SPATA22: variants seen among roughly 807,000 people sequenced by gnomAD.
SPATA22 encodes spermatogenesis-associated protein 22.
SPATA22 carries 29 observed loss-of-function variants against 47.8 expected under a neutral mutation model. That is an observed-to-expected ratio of 0.61 (90% confidence interval 0.45 to 0.83). The LOEUF is 0.83. SPATA22 is among the 40% of genes least tolerant of loss of function. SPATA22 has a pLI of 0.00. For synonymous variants in SPATA22, 133 were observed against 140.9 expected (o/e 0.94, Z 0.40); for missense variants, 410 against 421.7 (o/e 0.97, Z 0.24).
Position 3,467,517 on chromosome 17 carries a change from C to T in SPATA22, c.81G>A (p.Arg27=), listed in dbSNP as rs1306234822. Residue 27 remains arginine (R), a synonymous_variant, in exon 3 of 9, where the codon AGG becomes AGA. Coordinates refer to ENST00000572969, the MANE Select transcript of SPATA22 (RefSeq NM_001170698.2). ...LPVPLFNQKK[R]NRQPLTSNPL... is the part of the protein sequence containing the mutation. ...GATTAGAAGTTAATGGCTGTCTGTT[C>T]CTCTTTTTCTGATTGAACAACGGAA... 2 of 1,609,186 alleles carry T rather than the reference C, an allele frequency of 1.2e-6. No homozygotes were observed. Among genetic ancestry groups the T allele is most frequent in the Admixed American group, 1.7e-5 (1 of 59,740 alleles).
At chr17:3,487,814 T>C (rs2073754003) in intron 1 of SPATA22, among the ~76,000 whole-genome samples, 1 of 152,204 alleles carries the variant, frequency 6.6e-6, no homozygotes, top group Non-Finnish European at 1.5e-5. Flanking sequence ...AGGATTCTAT[T>C]AGAAACAGGA....
chr17:3,513,345 C>T (rs2074138901), intron 1 of SPATA22: 1 of 152,862 alleles, frequency 6.5e-6, no homozygotes, highest in Admixed American at 6.5e-5. Flanking sequence ...GTCTCCTTTT[C>T]CCCGAAGGGT....
intron 1 of SPATA22, among the ~76,000 whole-genome samples, chr17:3,478,380 T>C (rs1043163809): frequency 6.6e-6 from 1 of 152,224 alleles, no homozygotes; most frequent in Non-Finnish European, 1.5e-5. Flanking sequence ...AGGGCAATTA[T>C]ACTGCAGTCA....
rs375328885 is a variant in SPATA22, at chr17:3,460,018, T to C, written c.329+2465A>G. Among the ~76,000 whole-genome samples, 29 of 152,338 alleles carry C rather than the reference T, an allele frequency of 1.9e-4. No homozygotes were observed. In the South Asian group the frequency reaches 5.8e-3, roughly 31 times the overall value. ...AATGGTTGAAAGACATGATGTGTTA[T>C]AAGAAAACAATTCTGGGTGAATCAG... On this transcript the variant is annotated intron_variant, in intron 5 of 8. Transcript: ENST00000572969.
chr17:3,453,357 G>T (rs1008297350), intron 5 of SPATA22, among the ~76,000 whole-genome samples: 6 of 152,078 alleles, frequency 3.9e-5, no homozygotes, highest in African/African-American at 1.4e-4. Context: ...ATGCAAGGTT[G>T]GTTTAACATA....
chr17:3,448,081 AG>A (rs942055528), intron 6 of SPATA22, among the ~76,000 whole-genome samples: 20 of 152,342 alleles, frequency 1.3e-4, no homozygotes, highest in Non-Finnish European at 2.9e-5. Flanking sequence ...GTTGAGATAC[AG>A]GTATAGGGAA....
intron 7 of SPATA22, among the ~76,000 whole-genome samples, chr17:3,444,484 T>A (rs955866751): frequency 6.6e-6 from 1 of 152,082 alleles, no homozygotes; most frequent in African/African-American, 2.4e-5. Context: ...TATAAGAATG[T>A]ATAGTCTACA....
In SPATA22 at chr17:3,485,963, G is replaced by A. The variant is rs1379113093; in HGVS notation, c.-73-16565C>T. ...TTTTTTTTTTTTGAGACGGAGTTTC[G>A]CTCTTGTTGCCAAGGCTGGAGTACA... is the stretch of plus-strand genomic sequence containing the variant. On this transcript the variant is annotated intron_variant, in intron 1 of 8. Transcript: ENST00000541913. This position sits in a 1 kb window ranked among gnomAD's most constrained non-coding sequence, Gnocchi z 4.4. Among the ~76,000 whole-genome samples the A allele has an allele frequency of 7.2e-6, 1 of 139,656 alleles. No individual in the cohort carries two copies. Among genetic ancestry groups the A allele is most frequent in the Non-Finnish European group, 1.5e-5 (1 of 66,242 alleles). The allele number at this position is 139,656 out of a possible 152,430, so 91.6% of individuals were successfully genotyped here. A position where few individuals can be genotyped will look rare whatever the true frequency, so the allele number is the denominator to read the frequency against.
At chr17:3,484,593 G>A (rs1017664968) in intron 1 of SPATA22, among the ~76,000 whole-genome samples, 2 of 152,208 alleles carry the variant, frequency 1.3e-5, no homozygotes, top group Non-Finnish European at 1.5e-5. Context: ...TATCTGTGAT[G>A]AAAGGCCATT....
In SPATA22 at chr17:3,467,311, G is replaced by A. The variant is rs1462467184; in HGVS notation, c.172+115C>T. ...AAAGTGCTATGTAATTTCTATATGT[G>A]GATAATGGAAAGAAGAAAAAATAAA... On this transcript the variant is annotated intron_variant, in intron 3 of 8. Transcript: ENST00000572969. 5 of 856,870 alleles carry A rather than the reference G, an allele frequency of 5.8e-6. No individual in the cohort carries two copies. The African/African-American group carries it at 8.7e-5, about 15-fold the overall frequency. 53.1% of individuals were successfully genotyped at this position (856,870 alleles called of 1,614,324 possible).
At chr17:3,512,254 CTG>C (rs2074122612) in intron 1 of SPATA22, 1 of 152,340 alleles carries the variant, frequency 6.6e-6, no homozygotes, top group African/African-American at 2.4e-5. Flanking sequence ...GCCCCGACCA[CTG>C]TGGCTTAGAG....
At chr17:3,494,974 A>T (rs1166351349) in intron 1 of SPATA22, among the ~76,000 whole-genome samples, 5 of 152,164 alleles carry the variant, frequency 3.3e-5, no homozygotes, top group Non-Finnish European at 7.4e-5. Flanking sequence ...CCTGTGACAG[A>T]ATAAGTTAGA....
intron 1 of SPATA22, among the ~76,000 whole-genome samples, chr17:3,469,920 C>G (rs1056615169): frequency 1.3e-5 from 2 of 152,046 alleles, no homozygotes; most frequent in African/African-American, 2.4e-5. Context: ...ATGGCAAAAG[C>G]CCATCTCTAC....
intron 1 of SPATA22, chr17:3,481,631 G>T: frequency 6.2e-7 from 1 of 1,613,724 alleles, no homozygotes; most frequent in East Asian, 2.2e-5. Context: ...TTTGCCATAT[G>T]AAGTGAGAAG....
Position 3,462,825 on chromosome 17 carries a change from T to C in SPATA22, c.173-58A>G, listed in dbSNP as rs189605931. 279 of 1,302,798 alleles carry C rather than the reference T, an allele frequency of 2.1e-4. 1 individual carries two copies. In the African/African-American group the frequency reaches 3.1e-3, roughly 15 times the overall value. The allele number at this position is 1,302,798 out of a possible 1,614,324, so 80.7% of individuals were successfully genotyped here. A position where few individuals can be genotyped will look rare whatever the true frequency, so the allele number is the denominator to read the frequency against. On this transcript the variant is annotated intron_variant, in intron 3 of 8. Transcript: ENST00000572969. The stretch of plus-strand genomic sequence containing the variant: ...AGATAGGTAGTATTTTTCAAAATGA[T>C]AAATTCATACTTATTTAATTTGGAG...
chr17:3,512,736 C>T (rs2074130191), intron 1 of SPATA22: 1 of 151,682 alleles, frequency 6.6e-6, no homozygotes, highest in Non-Finnish European at 1.5e-5. Context: ...AGGACGAGGA[C>T]CTAAAAATAA....
intron 3 of SPATA22, among the ~76,000 whole-genome samples, chr17:3,463,096 A>G (rs923892210): frequency 8.5e-5 from 13 of 152,252 alleles, no homozygotes; most frequent in African/African-American, 3.1e-4. Flanking sequence ...ACCCACAGAA[A>G]GAAATACATC....
intron 1 of SPATA22, among the ~76,000 whole-genome samples, chr17:3,482,593 G>A (rs1225229173): frequency 6.6e-6 from 1 of 152,008 alleles, no homozygotes; most frequent in African/African-American, 2.4e-5. Context: ...TATAAAATTG[G>A]TGTCATAACA....
intron 7 of SPATA22, among the ~76,000 whole-genome samples, chr17:3,443,995 G>C (rs937465557): frequency 6.6e-6 from 1 of 151,822 alleles, no homozygotes; most frequent in Admixed American, 6.6e-5. Flanking sequence ...CTACATAATT[G>C]CAAGTTTGTA....
Sources: allele counts gnomAD v4.1 joint callset (sites outside exome capture counted in the v4.1 genomes callset), GRCh38; gene constraint gnomAD v4.1.1; non-coding constraint Gnocchi (gnomAD v3.1); transcripts MANE v1.5; gene names NCBI Gene and HGNC (gene_info 2026-07-23, HGNC 2026-07-21).